Variants in LNX2 observed in about 807,000 individuals in gnomAD.
The protein encoded by LNX2 is ligand of numb-protein X 2.
LNX2 carries 35 observed loss-of-function variants against 66.2 expected under a neutral mutation model. The observed-to-expected ratio is 0.53, with a 90% CI of 0.40 to 0.70. The LOEUF (loss-of-function observed/expected upper bound fraction) is 0.70. LNX2 is among the 30% of genes least tolerant of loss of function. LNX2 has a pLI of 0.00. For synonymous variants in LNX2, 337 were observed against 315.6 expected, an observed-to-expected ratio of 1.07 and a Z score of -0.72; for missense variants, 791 against 850.8, an observed-to-expected ratio of 0.93 and a Z score of 0.87.
At chr13:27,573,191 C>T (rs1005826259) in intron 2 of LNX2, among the ~76,000 whole-genome samples, 1 of 152,164 alleles carries the variant, frequency 6.6e-6, no homozygotes, top group African/African-American at 2.4e-5. Flanking sequence ...CAACAGCCCA[C>T]ATCACAGTGG....
At position 27,562,639 on chromosome 13, in the gene LNX2, G is replaced by A. The variant is rs1229250452; in HGVS notation, c.998C>T (p.Pro333Leu). 6.2e-7 allele frequency: 1 copy of A among 1,614,144 alleles called. No individual in the cohort carries two copies. The highest frequency in any genetic ancestry group is 1.7e-5 in the Admixed American group (1 of 60,022). ...AGCCACTTGGAAAATCTCTTCTCGT[G>A]GAGAGTTACTATCAGAATGGTTGTG... ...RAHNHSDSNS[P>L]REEIFQVALH... The change falls in exon 5 of 10, where the codon CCA becomes CTA. Residue 333 changes from proline (P) to leucine (L), a missense_variant. Pro to Leu is a moderately conservative substitution (Grantham distance 98). Transcript: ENST00000316334.
chr13:27,616,187 T>TGGGG (rs58265063), intron 1 of LNX2, among the ~76,000 whole-genome samples: 1 of 90,872 alleles, frequency 1.1e-5, no homozygotes, highest in Non-Finnish European at 2.3e-5. Context: ...GGTGGGGGGT[T>TGGGG]GGGGGGGGTA....
chr13:27,600,786 C>A (rs905199718), intron 1 of LNX2, among the ~76,000 whole-genome samples: 1 of 152,176 alleles, frequency 6.6e-6, no homozygotes, highest in East Asian at 1.9e-4. Context: ...AGAATTACAT[C>A]TTCCTATTTC....
At chr13:27,576,998 AGAC>A (rs796849500) in intron 2 of LNX2, among the ~76,000 whole-genome samples, 4 of 152,324 alleles carry the variant, frequency 2.6e-5, no homozygotes, top group African/African-American at 9.6e-5. Context: ...GAAAGTGAAA[AGAC>A]AACTGACAGA....
chr13:27,556,772 T>C (rs770708418), intron 6 of LNX2, among the ~76,000 whole-genome samples: 1 of 152,220 alleles, frequency 6.6e-6, no homozygotes, highest in Non-Finnish European at 1.5e-5. Context: ...GACAAATCAA[T>C]TAATTTTACT....
chr13:27,584,389 G>GAA lies in LNX2; in HGVS notation c.-100-2588_-100-2587dup, dbSNP rs57375748. Among the ~76,000 whole-genome samples, 414 of 124,428 alleles carry GAA rather than the reference G, an allele frequency of 3.3e-3. 2 individuals are homozygous for GAA. Among genetic ancestry groups the GAA allele is most frequent in the African/African-American group, 0.011 (370 of 33,678 alleles). 81.6% of individuals were successfully genotyped at this position (124,428 alleles called of 152,430 possible). Reference sequence around the variant, plus strand: ...AATATGGTAGGACCCTGTCTCTACAGAAAAAAAAAAAAAAAATAGCTGAGC... The same window carrying GAA: ...AATATGGTAGGACCCTGTCTCTACAGAAAAAAAAAAAAAAAAAATAGCTGAGC... On this transcript the variant is annotated intron_variant, in intron 1 of 9. Transcript: ENST00000316334.
Position 27,581,289 on chromosome 13 carries a change from T to C in LNX2, c.407+8A>G. The C allele has an allele frequency of 9.5e-6, 14 of 1,468,506 alleles. No individual in the cohort carries two copies. Among genetic ancestry groups the C allele is most frequent in the Non-Finnish European group, 1.3e-5 (14 of 1,106,896 alleles). The allele number at this position is 1,468,506 out of a possible 1,614,324, so 91.0% of individuals were successfully genotyped here. On this transcript the variant is annotated splice_region_variant and intron_variant, in intron 2 of 9. Coordinates refer to ENST00000316334, the MANE Select transcript of LNX2 (RefSeq NM_153371.4). ...TCTGGAGTTACTTCTTTTATATTTT[T>C]TGCTTACCTGTTTTTGAGATGTGCC...
chr13:27,593,410 G>C (rs559661878), intron 1 of LNX2, among the ~76,000 whole-genome samples: 26 of 151,852 alleles, frequency 1.7e-4, no homozygotes, highest in Non-Finnish European at 3.2e-4. Flanking sequence ...TTACCTAAAA[G>C]GGCTTCTACC....
At chr13:27,615,941 C>T (rs1814604932) in intron 1 of LNX2, among the ~76,000 whole-genome samples, 1 of 151,970 alleles carries the variant, frequency 6.6e-6, no homozygotes, top group South Asian at 2.1e-4. Context: ...TGCATGCTGT[C>T]AACAAAAAGA....
chr13:27,611,612 T>C (rs964753781), intron 1 of LNX2, among the ~76,000 whole-genome samples: 1 of 152,250 alleles, frequency 6.6e-6, no homozygotes, highest in Admixed American at 6.5e-5. Flanking sequence ...GCTGAAGCAA[T>C]GTAAAATATT....
chr13:27,564,484 T>G (rs1043988161), intron 4 of LNX2, among the ~76,000 whole-genome samples: 1 of 152,208 alleles, frequency 6.6e-6, no homozygotes, highest in Admixed American at 6.5e-5. Context: ...TATATTACTT[T>G]TATTAATGAT....
chr13:27,610,653 T>A (rs1340610766), intron 1 of LNX2, among the ~76,000 whole-genome samples: 1 of 152,144 alleles, frequency 6.6e-6, no homozygotes, highest in East Asian at 1.9e-4. Context: ...GGGACTACAT[T>A]AAAATTAAAA....
intron 4 of LNX2, among the ~76,000 whole-genome samples, chr13:27,563,015 G>C (rs34692286): frequency 0.35 from 52,897 of 151,616 alleles, 9,492 homozygotes; most frequent in African/African-American, 0.41. Flanking sequence ...CTAGGATCAC[G>C]GGCTTTAATG....
intron 1 of LNX2, among the ~76,000 whole-genome samples, chr13:27,593,902 C>T (rs1332132465): frequency 6.6e-6 from 1 of 151,770 alleles, no homozygotes; most frequent in East Asian, 1.9e-4. Flanking sequence ...AGTCTGCTGG[C>T]TGAAATTATA....
intron 1 of LNX2, among the ~76,000 whole-genome samples, chr13:27,608,363 T>C (rs1955739838): frequency 6.6e-6 from 1 of 152,224 alleles, no homozygotes; most frequent in African/African-American, 2.4e-5. Flanking sequence ...TAATTCACTT[T>C]TCTATCCCAA....
chr13:27,610,315 C>T (rs1344955526), intron 1 of LNX2, among the ~76,000 whole-genome samples: 1 of 152,204 alleles, frequency 6.6e-6, no homozygotes, highest in African/African-American at 2.4e-5. Context: ...GAGAAATTCA[C>T]ACTAAAATAT....
chr13:27,618,264 C>T (rs552576012), intron 1 of LNX2, among the ~76,000 whole-genome samples: 6 of 152,172 alleles, frequency 3.9e-5, no homozygotes, highest in African/African-American at 1.4e-4. Flanking sequence ...AGCACACTAG[C>T]ATTTACTAAG....
chr13:27,582,389 T>C (rs77014479), intron 1 of LNX2, among the ~76,000 whole-genome samples: 3,885 of 152,220 alleles, frequency 0.026, 195 homozygotes, highest in African/African-American at 0.088. Context: ...CCATAGATTA[T>C]ATAGTGTGAC....
chr13:27,587,293 C>A (rs79961327), intron 1 of LNX2, among the ~76,000 whole-genome samples: 77 of 152,262 alleles, frequency 5.1e-4, no homozygotes, highest in East Asian at 4.8e-3. Flanking sequence ...GCGCTCCCCC[C>A]CTTCCCTTCT....
Sources: allele counts gnomAD v4.1 joint callset (sites outside exome capture counted in the v4.1 genomes callset), GRCh38; gene constraint gnomAD v4.1.1; transcripts MANE v1.5; gene names NCBI Gene and HGNC (gene_info 2026-07-23, HGNC 2026-07-21).